PIK3C2G: variants seen among roughly 807,000 people sequenced by gnomAD.
PIK3C2G encodes the protein phosphatidylinositol-4-phosphate 3-kinase catalytic subunit type 2 gamma.
In PIK3C2G, 168 loss-of-function variants were observed where a neutral mutation model predicts 181.1. That is an observed-to-expected ratio of 0.93 (90% CI 0.82 to 1.05). PIK3C2G has a LOEUF of 1.05. PIK3C2G is among the 50% of genes least tolerant of loss of function. The probability of loss-of-function intolerance (pLI) is 0.00; values close to 1 mark genes in which losing one functional copy is unlikely to be tolerated. For missense variants in PIK3C2G, 1,869 were observed against 1,732.8 expected, an observed-to-expected ratio of 1.08 and a Z score of -1.40; for synonymous variants, 573 against 592.2, an observed-to-expected ratio of 0.97 and a Z score of 0.47.
chr12:18,722,155 G>A, the PIK3C2G span, among the ~76,000 whole-genome samples: 1 of 151,916 alleles, frequency 6.6e-6, no homozygotes, highest in African/African-American at 2.4e-5. Context: ...CACTCTCAGA[G>A]AGGGTTCTTC....
intron 24 of PIK3C2G, among the ~76,000 whole-genome samples, chr12:18,509,253 G>A (rs957340645): frequency 1.3e-5 from 2 of 152,010 alleles, no homozygotes; most frequent in Non-Finnish European, 2.9e-5. Context: ...TCACTCTGTT[G>A]GCCAGACTGG....
intron 26 of PIK3C2G, among the ~76,000 whole-genome samples, chr12:18,548,990 T>A (rs10770370): frequency 0.21 from 32,420 of 151,888 alleles, 3,523 homozygotes; most frequent in African/African-American, 0.26. Context: ...TTTAACTCGC[T>A]TTGCTAGCTC....
chr12:18,520,002 T>TAAAAAA (rs889312316), intron 24 of PIK3C2G, among the ~76,000 whole-genome samples: 9 of 46,264 alleles, frequency 1.9e-4, no homozygotes, highest in African/African-American at 2.5e-4. Flanking sequence ...CAATAAATAC[T>TAAAAAA]AAAAAAAAAA....
chr12:18,692,875 T>C, the PIK3C2G span: 2 of 1,602,310 alleles, frequency 1.2e-6, no homozygotes, highest in African/African-American at 2.7e-5. Flanking sequence ...CCAACTACAG[T>C]GGGGAAAAAG....
chr12:18,445,330 T>C (rs1255251315), intron 18 of PIK3C2G, among the ~76,000 whole-genome samples: 1 of 152,068 alleles, frequency 6.6e-6, no homozygotes, highest in Non-Finnish European at 1.5e-5. Flanking sequence ...AAATATATAC[T>C]GTGTATGGTT....
At chr12:18,661,693 G>A in the PIK3C2G span, among the ~76,000 whole-genome samples, 1 of 152,092 alleles carries the variant, frequency 6.6e-6, no homozygotes, top group Non-Finnish European at 1.5e-5. Context: ...ATACACTGCT[G>A]GTGGGAAAGA....
the PIK3C2G span, chr12:18,688,324 C>T: frequency 8.6e-7 from 1 of 1,166,764 alleles, no homozygotes; most frequent in Non-Finnish European, 1.2e-6. Flanking sequence ...GACTCTAAGT[C>T]AGCTCCCACA....
At position 18,292,227 on chromosome 12, in the gene PIK3C2G, A is replaced by AAAAAAAAAATAT; in HGVS notation, c.919+1216_919+1217insAAAAAAAATATA. 5.4e-3 allele frequency among the ~76,000 whole-genome samples: 264 copies of AAAAAAAAAATAT among 48,522 alleles called. 9 individuals are homozygous for AAAAAAAAAATAT. The highest frequency in any genetic ancestry group is 0.011 in the East Asian group (16 of 1,456). 31.8% of individuals were successfully genotyped at this position (48,522 alleles called of 152,430 possible). A position where few individuals can be genotyped will look rare whatever the true frequency, so the allele number is the denominator to read the frequency against. On this transcript the variant is annotated intron_variant, in intron 4 of 32. Coordinates refer to ENST00000538779, the MANE Select transcript of PIK3C2G (RefSeq NM_001288772.2). ...CTCCATCTCAAAAAAAAAAAAAAAA[A>AAAAAAAAAATAT]ATATATATATATATATATATATATA...
At chr12:18,310,349 G>T (rs369277858) in intron 5 of PIK3C2G, among the ~76,000 whole-genome samples, 3 of 151,780 alleles carry the variant, frequency 2.0e-5, no homozygotes. Context: ...CTAGTGAGAG[G>T]CTACGTAGTT....
chr12:18,672,378 T>A, the PIK3C2G span, among the ~76,000 whole-genome samples: 3 of 152,150 alleles, frequency 2.0e-5, no homozygotes, highest in Non-Finnish European at 4.4e-5. Flanking sequence ...CTTTTACTCA[T>A]TATGTTATGT....
At chr12:18,401,315 G>A (rs930842427) in intron 16 of PIK3C2G, among the ~76,000 whole-genome samples, 2 of 152,092 alleles carry the variant, frequency 1.3e-5, no homozygotes, top group Non-Finnish European at 2.9e-5. Flanking sequence ...AAATAGTCAT[G>A]TGGTAATTAA....
intron 31 of PIK3C2G, among the ~76,000 whole-genome samples, chr12:18,628,373 A>C (rs1447747347): frequency 6.6e-6 from 1 of 152,190 alleles, no homozygotes; most frequent in East Asian, 1.9e-4. Context: ...TTGTTTTTGT[A>C]CTAACATGCT....
intron 31 of PIK3C2G, among the ~76,000 whole-genome samples, chr12:18,630,517 C>G (rs1306622226): frequency 6.6e-6 from 1 of 152,006 alleles, no homozygotes; most frequent in Non-Finnish European, 1.5e-5. Flanking sequence ...AAAGAAGGGT[C>G]TAGGATGGGG....
chr12:18,324,455 A>G (rs1951246872), intron 7 of PIK3C2G, among the ~76,000 whole-genome samples: 3 of 152,210 alleles, frequency 2.0e-5, no homozygotes, highest in Admixed American at 2.0e-4. Context: ...TTCAAGACAA[A>G]TAAGAAGGTA....
intron 1 of PIK3C2G, among the ~76,000 whole-genome samples, chr12:18,250,543 T>C (rs1948085900): frequency 6.6e-6 from 1 of 152,034 alleles, no homozygotes. Context: ...AGGTTTGCTT[T>C]CCCTCAGAAA....
chr12:18,381,052 T>C (rs1942799436), intron 13 of PIK3C2G, among the ~76,000 whole-genome samples: 1 of 152,184 alleles, frequency 6.6e-6, no homozygotes, highest in Non-Finnish European at 1.5e-5. Flanking sequence ...CCTAGCCAGG[T>C]ACAACTTCTT....
At chr12:18,665,254 A>G in the PIK3C2G span, among the ~76,000 whole-genome samples, 8 of 152,100 alleles carry the variant, frequency 5.3e-5, no homozygotes, top group Non-Finnish European at 1.0e-4. Context: ...TATTGTTTAA[A>G]GGGTATATAG....
upstream of PIK3C2G, among the ~76,000 whole-genome samples, chr12:18,246,721 C>T (rs920612265): frequency 1.3e-5 from 2 of 152,042 alleles, no homozygotes; most frequent in South Asian, 2.1e-4. Flanking sequence ...GTTTTAGAAG[C>T]CTCAAATGGG....
At chr12:18,705,419 T>C in the PIK3C2G span, 2 of 1,394,620 alleles carry the variant, frequency 1.4e-6, no homozygotes, top group South Asian at 2.4e-5. Context: ...TTCTAACGTT[T>C]AGTACCTTTG....
Sources: allele counts gnomAD v4.1 joint callset (sites outside exome capture counted in the v4.1 genomes callset), GRCh38; gene constraint gnomAD v4.1.1; transcripts MANE v1.5; gene names NCBI Gene and HGNC (gene_info 2026-07-23, HGNC 2026-07-21).